The following WNT4 variants were observed in gnomAD, a reference collection of about 807,000 sequenced individuals.
WNT4 encodes Wnt family member 4.
A neutral mutation model predicts 34.5 loss-of-function variants in WNT4; 16 were observed. That is an observed-to-expected ratio of 0.46 (90% CI 0.31 to 0.70). The LOEUF (loss-of-function observed/expected upper bound fraction) is 0.70, where lower values mean the gene tolerates loss of function less well. Among genes scored for constraint, WNT4 ranks in the 30% least tolerant of loss-of-function variants. The probability of loss-of-function intolerance (pLI) is 0.04; values close to 1 mark genes in which losing one functional copy is unlikely to be tolerated. For synonymous variants in WNT4, 200 were observed against 211.9 expected, an observed-to-expected ratio of 0.94 and a Z score of 0.49; for missense variants, 379 against 495.9, an observed-to-expected ratio of 0.76 and a Z score of 2.24.
intron 2 of WNT4, chr1:22,127,173 C>G: frequency 4.8e-6 from 2 of 414,206 alleles, no homozygotes; most frequent in Non-Finnish European, 1.0e-5. Flanking sequence ...AGTCTCGGCA[C>G]CTTGACATGT....
intron 4 of WNT4, among the ~76,000 whole-genome samples, chr1:22,120,797 G>A (rs1189052500): frequency 6.6e-6 from 1 of 152,176 alleles, no homozygotes; most frequent in African/African-American, 2.4e-5. Flanking sequence ...TGTGGGGTGG[G>A]GAGAACACTG....
chr1:22,121,186 TTGG>T (rs1487689529), intron 4 of WNT4, 22 bp downstream of exon 4: 21 of 1,613,412 alleles, frequency 1.3e-5, no homozygotes, highest in Non-Finnish European at 1.7e-5. Flanking sequence ...TACCCCGCTC[TTGG>T]TGGGGGGTAG....
chr1:22,124,850 C>G (rs1045944237), intron 2 of WNT4, among the ~76,000 whole-genome samples: 1 of 152,112 alleles, frequency 6.6e-6, no homozygotes, highest in Non-Finnish European at 1.5e-5. Context: ...CGTATCTTGT[C>G]GGAGGTGAGG....
At chr1:22,132,301 A>G (rs12404660) in intron 1 of WNT4, among the ~76,000 whole-genome samples, 31,190 of 152,212 alleles carry the variant, frequency 0.2, 4,094 homozygotes, top group East Asian at 0.71. Context: ...CATGCAGCCA[A>G]GAAGGCTGCA....
At chr1:22,124,954 GC>G (rs555512605) in intron 2 of WNT4, among the ~76,000 whole-genome samples, 226 of 152,294 alleles carry the variant, frequency 1.5e-3, no homozygotes, top group African/African-American at 5.2e-3. Flanking sequence ...TGCCCAGTCT[GC>G]CTTTCCAGAT....
Position 22,121,369 on chromosome 1 carries a change from C to A in WNT4, c.446-16G>T, listed in dbSNP as rs1181056934. ...CACTGGAAGCCTGGGGTGTGGTGGG[C>A]ACAGAAAGGGCTGCGGTGAGTGAGG... On this transcript the variant is annotated splice_polypyrimidine_tract_variant and intron_variant, in intron 3 of 4. Coordinates refer to ENST00000290167, the MANE Select transcript of WNT4 (RefSeq NM_030761.5). The A allele has an allele frequency of 1.2e-6, 2 of 1,614,012 alleles. No individual in the cohort carries two copies. Among genetic ancestry groups the A allele is most frequent in the South Asian group, 2.2e-5 (2 of 91,082 alleles).
At chr1:22,136,004 CA>C (rs1476070029) in intron 1 of WNT4, among the ~76,000 whole-genome samples, 2 of 152,162 alleles carry the variant, frequency 1.3e-5, no homozygotes, top group Non-Finnish European at 2.9e-5. Context: ...TCATTACTTC[CA>C]GTATCCTGGT....
At chr1:22,130,688 G>C (rs1645976629) in intron 1 of WNT4, among the ~76,000 whole-genome samples, 1 of 152,214 alleles carries the variant, frequency 6.6e-6, no homozygotes, top group African/African-American at 2.4e-5. Context: ...TAAGAGAAGG[G>C]AACACCGGTT....
intron 1 of WNT4, among the ~76,000 whole-genome samples, chr1:22,131,094 G>A (rs1447964444): frequency 6.6e-6 from 1 of 152,266 alleles, no homozygotes; most frequent in Non-Finnish European, 1.5e-5. Context: ...CATTTGCCTG[G>A]CTTCACAGCC....
intron 2 of WNT4, chr1:22,126,993 G>C: frequency 3.0e-6 from 1 of 331,816 alleles, no homozygotes; most frequent in South Asian, 2.3e-5. Flanking sequence ...CAGACCTCAG[G>C]AGGGACAATC....
In WNT4 at chr1:22,118,366, T is replaced by G. The variant is rs10753528; in HGVS notation, c.*1684A>C. 119,389 of 152,140 alleles carry G rather than the reference T, an allele frequency of 0.78. 47,057 individuals are homozygous for G. Among genetic ancestry groups the G allele is most frequent in the East Asian group, 1 (5,165 of 5,170 alleles). The allele number at this position is 152,140 out of a possible 1,614,324, so 9.4% of individuals were successfully genotyped here. Reference sequence around the variant, plus strand: ...GTGGGGGCAGTCTGGAAAGTGGGCTTACAGCAACTTCCTCTGGTGATTGGG... The same window carrying G: ...GTGGGGGCAGTCTGGAAAGTGGGCTGACAGCAACTTCCTCTGGTGATTGGG... On this transcript the variant is annotated 3_prime_UTR_variant, in exon 5 of 5. Coordinates refer to ENST00000290167, the MANE Select transcript of WNT4 (RefSeq NM_030761.5).
At chr1:22,121,067 T>C in intron 4 of WNT4, 144 bp downstream of exon 4, 1 of 1,398,852 alleles carries the variant, frequency 7.1e-7, no homozygotes, top group Non-Finnish European at 9.6e-7. Flanking sequence ...TGGCCTGTCC[T>C]GAACCCCACT....
Position 22,139,676 on chromosome 1 carries a change from A to G in WNT4, c.77+3170T>C, listed in dbSNP as rs1646050719. On this transcript the variant is annotated intron_variant, in intron 1 of 4. Transcript: ENST00000290167. The surrounding 1 kb of genome is among the most constrained non-coding windows in gnomAD (Gnocchi z 4.6). ...CTGAGGACTGTGGCCCCAAGGGAGG[A>G]AGGGGACACCCAATATGTGGCCCAG... 6.6e-6 allele frequency among the ~76,000 whole-genome samples: 1 copy of G among 152,188 alleles called. No homozygotes were observed. Among genetic ancestry groups the G allele is most frequent in the Non-Finnish European group, 1.5e-5 (1 of 68,034 alleles).
intron 1 of WNT4, among the ~76,000 whole-genome samples, chr1:22,132,544 C>T (rs1006350426): frequency 2.2e-4 from 33 of 152,188 alleles, no homozygotes; most frequent in African/African-American, 6.8e-4. Flanking sequence ...GCCTCAGGGG[C>T]CTGCTGGCCC....
At chr1:22,129,587 C>G (rs143708944) in intron 2 of WNT4, 29 bp downstream of exon 2, 1 of 1,601,608 alleles carries the variant, frequency 6.2e-7, no homozygotes, top group Non-Finnish European at 8.5e-7. Context: ...CCGCAGGCTC[C>G]CCTGCAGCCC....
intron 2 of WNT4, chr1:22,127,226 CTT>C (rs911172589): frequency 4.2e-6 from 2 of 475,042 alleles, no homozygotes; most frequent in African/African-American, 4.0e-5. Context: ...ACCAGTCAGA[CTT>C]TAGTCCAGAG....
chr1:22,141,238 G>T (rs1465751525), intron 1 of WNT4, among the ~76,000 whole-genome samples: 3 of 152,254 alleles, frequency 2.0e-5, no homozygotes. Flanking sequence ...GCCTGGGCCA[G>T]ACGCTTGGAC....
Position 22,139,905 on chromosome 1 carries a change from G to A in WNT4, c.77+2941C>T, listed in dbSNP as rs572814609. Among the ~76,000 whole-genome samples the A allele has an allele frequency of 7.2e-5, 11 of 152,302 alleles. No homozygotes were observed. In the East Asian group the frequency reaches 2.1e-3, roughly 29 times the overall value. ...TCACAAGCTGTCAGCGGGCTCCTCC[G>A]GGTGCCAGACGAGAGTCTAATCAAC... On this transcript the variant is annotated intron_variant, in intron 1 of 4. Coordinates refer to ENST00000290167, the MANE Select transcript of WNT4 (RefSeq NM_030761.5). This position sits in a 1 kb window ranked among gnomAD's most constrained non-coding sequence, Gnocchi z 4.6.
intron 2 of WNT4, among the ~76,000 whole-genome samples, chr1:22,123,172 A>G (rs1645915629): frequency 6.6e-6 from 1 of 152,216 alleles, no homozygotes; most frequent in South Asian, 2.1e-4. Context: ...AAGGGAAGTC[A>G]AAGCAGGAGA....
Sources: allele counts gnomAD v4.1 joint callset (sites outside exome capture counted in the v4.1 genomes callset), GRCh38; gene constraint gnomAD v4.1.1; non-coding constraint Gnocchi (gnomAD v3.1); transcripts MANE v1.5; gene names NCBI Gene and HGNC (gene_info 2026-07-23, HGNC 2026-07-21).